Variants in ARHGEF18 observed in about 807,000 individuals in gnomAD.
ARHGEF18 encodes the protein rho guanine nucleotide exchange factor 18.
In ARHGEF18, 93 loss-of-function variants were observed where a neutral mutation model predicts 155.7. The observed-to-expected ratio is 0.60, with a 90% confidence interval of 0.50 to 0.71. The LOEUF (loss-of-function observed/expected upper bound fraction) is 0.71. Ranked by LOEUF, ARHGEF18 falls within the 30% of genes least tolerant of loss-of-function variation. The pLI is 0.00. For synonymous variants in ARHGEF18, 742 were observed against 753.1 expected (o/e 0.99, Z 0.24); for missense variants, 1,593 against 1,816.1 (o/e 0.88, Z 2.23).
intron 1 of ARHGEF18, among the ~76,000 whole-genome samples, chr19:7,362,454 T>A (rs1323198796): frequency 6.6e-6 from 1 of 152,126 alleles, no homozygotes; most frequent in East Asian, 1.9e-4. Context: ...CATAACAAAT[T>A]GATTTCATAC....
intron 2 of ARHGEF18, 100 bp downstream of exon 2, chr19:7,363,005 T>C: frequency 8.3e-7 from 1 of 1,205,814 alleles, no homozygotes; most frequent in Middle Eastern, 2.1e-4. Flanking sequence ...TTTGTGTACA[T>C]TATCTCAGGG....
rs1273433685 is a variant in ARHGEF18 at position 7,462,788 on chromosome 19, G to A, written c.2635+454G>A. Among the ~76,000 whole-genome samples, 3 of 151,332 alleles carry A rather than the reference G, an allele frequency of 2.0e-5. No homozygotes were observed. Among genetic ancestry groups the A allele is most frequent in the Non-Finnish European group, 4.4e-5 (3 of 67,882 alleles). On this transcript the variant is annotated intron_variant, in intron 21 of 28. Coordinates refer to ENST00000668164, the MANE Select transcript of ARHGEF18 (RefSeq NM_001367823.1). This position sits in a 1 kb window ranked among gnomAD's most constrained non-coding sequence, Gnocchi z 4.4. ...CAGCCGCCAGGCCCCTGGGCTGGCC[G>A]CTTGAGCAGGCAGTCAGCGCCCAGT...
chr19:7,469,703 G>A (rs1388803868), intron 27 of ARHGEF18, among the ~76,000 whole-genome samples: 1 of 152,160 alleles, frequency 6.6e-6, no homozygotes, highest in East Asian at 1.9e-4. Context: ...GGGTGACTCT[G>A]CAGGTCCTTC....
the ARHGEF18 span, among the ~76,000 whole-genome samples, chr19:7,479,256 G>T: frequency 6.6e-6 from 1 of 152,144 alleles, no homozygotes; most frequent in African/African-American, 2.4e-5. Context: ...GGCCAAGGCC[G>T]GTGGATCACC....
At chr19:7,469,701 C>G (rs564499156) in intron 27 of ARHGEF18, among the ~76,000 whole-genome samples, 1 of 152,276 alleles carries the variant, frequency 6.6e-6, no homozygotes, top group African/African-American at 2.4e-5. Context: ...CCGGGTGACT[C>G]TGCAGGTCCT....
intron 2 of ARHGEF18, among the ~76,000 whole-genome samples, chr19:7,363,290 G>C (rs946903065): frequency 6.6e-6 from 1 of 152,012 alleles, no homozygotes; most frequent in African/African-American, 2.4e-5. Flanking sequence ...CGGATGACTA[G>C]AAGGAAGGGA....
In ARHGEF18 at chr19:7,451,250, C is replaced by T; in HGVS notation, c.1839C>T (p.Ile613=). 1 of 1,612,820 alleles carries T rather than the reference C, an allele frequency of 6.2e-7. No homozygotes were observed. Among genetic ancestry groups the T allele is most frequent in the Non-Finnish European group, 8.5e-7 (1 of 1,179,688 alleles). The change falls in exon 16 of 29, where the codon ATC becomes ATT. Residue 613 remains isoleucine (I), a synonymous_variant. Transcript: ENST00000668164. The stretch of plus-strand genomic sequence containing the variant: ...AATACCCAGTGCTGGTGGAGCGCAT[C>T]ATCCAGAACACGGAAGGTAGGCCTT... ...ITKYPVLVER[I]IQNTEAGTED...
intron 10 of ARHGEF18, among the ~76,000 whole-genome samples, chr19:7,422,702 G>A (rs973377528): frequency 6.8e-6 from 1 of 146,948 alleles, no homozygotes; most frequent in Non-Finnish European, 1.5e-5. Context: ...ACAACAAAAT[G>A]TGTTCTAACT....
intron 10 of ARHGEF18, chr19:7,439,646 G>A (rs1974499007): frequency 1.8e-6 from 2 of 1,125,074 alleles, no homozygotes; most frequent in Middle Eastern, 4.0e-4. Context: ...CGTCCACTTC[G>A]ATGCTAGAAT....
intron 10 of ARHGEF18, among the ~76,000 whole-genome samples, chr19:7,408,469 G>T (rs928610355): frequency 5.3e-5 from 8 of 152,234 alleles, no homozygotes; most frequent in Non-Finnish European, 1.0e-4. Context: ...AGCCCCTACA[G>T]TAGACGCATC....
At chr19:7,416,354 C>T (rs913578127) in intron 10 of ARHGEF18, among the ~76,000 whole-genome samples, 1 of 152,072 alleles carries the variant, frequency 6.6e-6, no homozygotes, top group Non-Finnish European at 1.5e-5. Flanking sequence ...TTCGAGGCTG[C>T]AGTGAGCTAC....
At chr19:7,475,651 G>A (rs553244059), downstream of ARHGEF18, among the ~76,000 whole-genome samples, 6 of 152,324 alleles carry the variant, frequency 3.9e-5, no homozygotes, top group Middle Eastern at 3.4e-3. Context: ...CACATGGTCA[G>A]TGTCCAAGGC....
chr19:7,380,436 A>G lies in ARHGEF18; in HGVS notation c.645-481A>G, dbSNP rs189712838. Among the ~76,000 whole-genome samples, 988 of 150,300 alleles carry G rather than the reference A, an allele frequency of 6.6e-3. 11 individuals are homozygous for G. Among genetic ancestry groups the G allele is most frequent in the African/African-American group, 0.023 (931 of 40,814 alleles). ...GGAGCTTGCAGTGAGCCGAGATCGC[A>G]CCACCACACTCCAGCCTGGGTGACA... is the stretch of plus-strand genomic sequence containing the variant. On this transcript the variant is annotated intron_variant, in intron 7 of 28. Transcript: ENST00000668164.
chr19:7,406,793 G>A (rs112543183), intron 10 of ARHGEF18, among the ~76,000 whole-genome samples: 6 of 152,052 alleles, frequency 3.9e-5, no homozygotes, highest in African/African-American at 7.2e-5. Context: ...AGTGGCTCAC[G>A]CCTGTAATCC....
chr19:7,441,276 T>C (rs925255336), intron 11 of ARHGEF18, among the ~76,000 whole-genome samples: 1 of 148,266 alleles, frequency 6.7e-6, no homozygotes, highest in African/African-American at 2.5e-5. Flanking sequence ...ACCTCCCAGA[T>C]TCAAGTGATT....
Position 7,439,988 on chromosome 19 carries a change from A to G in ARHGEF18, c.968-356A>G. 3.9e-6 allele frequency: 6 copies of G among 1,548,386 alleles called. No homozygotes were observed. In the East Asian group the frequency reaches 1.2e-4, roughly 32 times the overall value. On this transcript the variant is annotated intron_variant, in intron 10 of 28. Coordinates refer to ENST00000668164, the MANE Select transcript of ARHGEF18 (RefSeq NM_001367823.1). Reference sequence around the variant, plus strand: ...TCCTGCCCTCCAGACCCGCTGCTTCAGCCAATACAGCAAGGGAAGACGCAG... The same window carrying G: ...TCCTGCCCTCCAGACCCGCTGCTTCGGCCAATACAGCAAGGGAAGACGCAG...
At chr19:7,448,143 T>A (rs1316114264) in intron 15 of ARHGEF18, among the ~76,000 whole-genome samples, 2 of 152,178 alleles carry the variant, frequency 1.3e-5, no homozygotes, top group African/African-American at 2.4e-5. Context: ...AAGGGTCGTT[T>A]GAAGGGGCTG....
rs548305968 is a variant in ARHGEF18, at chr19:7,378,684, C to CTTTTTTT, written c.599+253_599+259dup. ...ATGTAGCCTTGGGAGACAATTGTGG[C>CTTTTTTT]TTTTTTTTTTTTTTTTTTTTTTTTT... On this transcript the variant is annotated intron_variant, in intron 6 of 28. Transcript: ENST00000668164. Among the ~76,000 whole-genome samples, 4 of 88,134 alleles carry CTTTTTTT rather than the reference C, an allele frequency of 4.5e-5. 1 individual carries two copies. The highest frequency in any genetic ancestry group is 2.1e-5 in the Non-Finnish European group (1 of 47,656). 57.8% of individuals were successfully genotyped at this position (88,134 alleles called of 152,430 possible).
At position 7,470,409 on chromosome 19, in the gene ARHGEF18, T is replaced by G; in HGVS notation, c.*111T>G. 2 of 1,080,886 alleles carry G rather than the reference T, an allele frequency of 1.9e-6. No individual in the cohort carries two copies. The highest frequency in any genetic ancestry group is 2.4e-6 in the Non-Finnish European group (2 of 844,818). 67.0% of individuals were successfully genotyped at this position (1,080,886 alleles called of 1,614,324 possible). Reference sequence around the variant, plus strand: ...CACCCAGCTGTCCCCTCCTCTTCCCTAGCAAACCACTGATGACCGCCTGGC... The same window carrying G: ...CACCCAGCTGTCCCCTCCTCTTCCCGAGCAAACCACTGATGACCGCCTGGC... On this transcript the variant is annotated 3_prime_UTR_variant, in exon 29 of 29. Transcript: ENST00000668164. The surrounding 1 kb of genome is among the most constrained non-coding windows in gnomAD (Gnocchi z 5.9).
Sources: gnomAD v4.1 joint callset for allele counts (sites outside exome capture counted in the v4.1 genomes callset) on GRCh38, gnomAD v4.1.1 for gene constraint, Gnocchi (gnomAD v3.1) non-coding constraint, MANE v1.5 for transcripts, NCBI Gene and HGNC (gene_info 2026-07-23, HGNC 2026-07-21) for gene names.